Variants in BCR observed in about 807,000 individuals in gnomAD.
The protein encoded by BCR is BCR activator of RhoGEF and GTPase.
BCR carries 58 observed loss-of-function variants against 138.6 expected under a neutral mutation model. The ratio of observed to expected loss-of-function variants is 0.42; its 90% CI spans 0.34 to 0.52. BCR has a LOEUF of 0.52. BCR is among the 20% of genes least tolerant of loss of function. BCR has a pLI of 0.06. For synonymous variants in BCR, 786 were observed against 730.1 expected (o/e 1.08, Z -1.23); for missense variants, 1,599 against 1,727.2 (o/e 0.93, Z 1.32).
At position 23,261,097 on chromosome 22, in the gene BCR, G is replaced by A. The variant is rs1467558006; in HGVS notation, c.1566+43G>A. 3 of 1,577,862 alleles carry A rather than the reference G, an allele frequency of 1.9e-6. No individual in the cohort carries two copies. In the Admixed American group the frequency reaches 5.1e-5, roughly 27 times the overall value. ...AGCTGAGCAGGGCGGGATGGGGCAG[G>A]GTGACAGGGTTGGGGAGCCTCTTTG... On this transcript the variant is annotated intron_variant, in intron 3 of 22. Transcript: ENST00000305877.
At chr22:23,295,405 G>A (rs2073834377) in intron 16 of BCR, among the ~76,000 whole-genome samples, 1 of 152,152 alleles carries the variant, frequency 6.6e-6, no homozygotes, top group Non-Finnish European at 1.5e-5. Context: ...ATTCAACTTG[G>A]TTTTGCAGCT....
At chr22:23,290,723 C>G (rs2073776345) in intron 14 of BCR, 1 of 376,756 alleles carries the variant, frequency 2.7e-6, no homozygotes, top group Non-Finnish European at 5.1e-6. Flanking sequence ...CCCAGGGGTG[C>G]CCGGGAGTGT....
In BCR at chr22:23,180,578, G is replaced by C. The variant is rs1450950699; in HGVS notation, c.-383G>C. ...GAGCTTAGCGTCCGAGGAGGCGGCG[G>C]CGGCGGCGGCGGCACGGCGGCGGCG... On this transcript the variant is annotated 5_prime_UTR_variant, in exon 1 of 23. Coordinates refer to ENST00000305877, the MANE Select transcript of BCR (RefSeq NM_004327.4). 5.2e-5 allele frequency: 2 copies of C among 38,586 alleles called. No homozygotes were observed. The highest frequency in any genetic ancestry group is 6.8e-5 in the Non-Finnish European group (2 of 29,390). The allele number at this position is 38,586 out of a possible 1,614,324, so 2.4% of individuals were successfully genotyped here.
In BCR at chr22:23,292,584, G is replaced by T. The variant is rs1040046631; in HGVS notation, c.2826G>T (p.Val942=). ...AGGTGGATTCCTTTGGGTATTTTGT[G>T]AATAAAGCAAAGACGCGCGTCTACA... ...TLEVDSFGYF[V]NKAKTRVYRD... The change falls in exon 15 of 23, where the codon GTG becomes GTT. Residue 942 remains valine (V), a synonymous_variant. Coordinates refer to ENST00000305877, the MANE Select transcript of BCR (RefSeq NM_004327.4). 4 of 1,613,714 alleles carry T rather than the reference G, an allele frequency of 2.5e-6. No homozygotes were observed. Among genetic ancestry groups the T allele is most frequent in the Non-Finnish European group, 2.5e-6 (3 of 1,179,760 alleles).
chr22:23,187,252 C>CA (rs1555959856), intron 1 of BCR, among the ~76,000 whole-genome samples: 3 of 128,580 alleles, frequency 2.3e-5, no homozygotes, highest in Non-Finnish European at 5.1e-5. Context: ...TTCTGAGGAT[C>CA]TTTTTTTTTT....
In BCR at chr22:23,206,971, CTCCA is replaced by C. The variant is rs1367191677; in HGVS notation, c.1279+24747_1279+24750del. On this transcript the variant is annotated intron_variant, in intron 1 of 22. Transcript: ENST00000305877. Reference sequence around the variant, plus strand: ...CCTCCCTCCCTCCCTCCCTCCCTCCCTCCATCCATCCATCCATCATCTGTCTAAC... The same window carrying C: ...CCTCCCTCCCTCCCTCCCTCCCTCCCTCCATCCATCCATCATCTGTCTAAC... 2.9e-3 allele frequency among the ~76,000 whole-genome samples: 406 copies of C among 141,340 alleles called. 3 individuals carry two copies. The highest frequency in any genetic ancestry group is 0.014 in the Admixed American group (195 of 14,144). The allele number at this position is 141,340 out of a possible 152,430, so 92.7% of individuals were successfully genotyped here. A position where few individuals can be genotyped will look rare whatever the true frequency, so the allele number is the denominator to read the frequency against.
Position 23,182,167 on chromosome 22 carries a change from A to G in BCR, c.1207A>G (p.Thr403Ala), listed in dbSNP as rs772813429. Reference sequence around the variant, plus strand: ...CTGCCCGGTTGTCGTGTCCGAGGCCACCATCGTGGGCGTCCGCAAGACCGG... The same window carrying G: ...CTGCCCGGTTGTCGTGTCCGAGGCCGCCATCGTGGGCGTCCGCAAGACCGG... ...RHCPVVVSEA[T>A]IVGVRKTGQI... The change falls in exon 1 of 23, where the codon ACC (threonine) becomes GCC (alanine). Residue 403 changes from threonine to alanine, a missense_variant. Thr to Ala is a moderately conservative substitution (Grantham distance 58, BLOSUM62 0). Transcript: ENST00000305877. The G allele has an allele frequency of 9.3e-6, 15 of 1,606,168 alleles. No homozygotes were observed. In the South Asian group the frequency reaches 1.4e-4, roughly 15 times the overall value.
chr22:23,273,758 C>T lies in BCR; in HGVS notation c.2099C>T (p.Thr700Met), dbSNP rs756240803. 2.0e-5 allele frequency: 33 copies of T among 1,614,122 alleles called. No individual in the cohort carries two copies. Among genetic ancestry groups the T allele is most frequent in the Middle Eastern group, 1.6e-4 (1 of 6,062 alleles). Reference sequence around the variant, plus strand: ...ATCACACCCCGACGGCAGTCCATGACGGTGAAGAAGGGAGAGGTGAGTGTG... The same window carrying T: ...ATCACACCCCGACGGCAGTCCATGATGGTGAAGAAGGGAGAGGTGAGTGTG... ...EEITPRRQSM[T>M]VKKGEHRQLL... Residue 700 changes from threonine to methionine, a missense_variant, in exon 8 of 23, where the codon ACG (threonine) becomes ATG (methionine). Around this residue, in one of 4 missense-constraint regions of BCR, gnomAD observed 590 missense variants for 762.4 expected, o/e 0.77. Coordinates refer to ENST00000305877, the MANE Select transcript of BCR (RefSeq NM_004327.4).
chr22:23,232,665 C>CT (rs2072972051), intron 1 of BCR, among the ~76,000 whole-genome samples: 1 of 152,220 alleles, frequency 6.6e-6, no homozygotes, highest in African/African-American at 2.4e-5. Context: ...GCTTCTGTGG[C>CT]TTATCAGCGA....
chr22:23,273,490 C>G, intron 7 of BCR, 144 bp from the exon 8 acceptor site: 1 of 1,144,808 alleles, frequency 8.7e-7, no homozygotes, highest in South Asian at 1.4e-5. Context: ...GTCCACAAAG[C>G]TGGGGCCCAA....
In BCR at chr22:23,238,833, G is replaced by A. The variant is rs2073054988; in HGVS notation, c.1280-14966G>A. 2.0e-5 allele frequency among the ~76,000 whole-genome samples: 3 copies of A among 151,912 alleles called. 1 individual carries two copies. The highest frequency in any genetic ancestry group is 2.0e-4 in the Admixed American group (3 of 15,260). ...CCCTCCAGGGCCGGTGGGAACACGA[G>A]TGGTTTTTGTGTGTGTATGTGGCTT... On this transcript the variant is annotated intron_variant, in intron 1 of 22. Coordinates refer to ENST00000305877, the MANE Select transcript of BCR (RefSeq NM_004327.4).
At chr22:23,250,943 A>G (rs1323917088) in intron 1 of BCR, 1 of 152,232 alleles carries the variant, frequency 6.6e-6, no homozygotes, top group Non-Finnish European at 1.5e-5. Flanking sequence ...GGATTACACC[A>G]CAGCTCACTT....
intron 1 of BCR, among the ~76,000 whole-genome samples, chr22:23,236,268 C>T (rs546538514): frequency 1.3e-5 from 2 of 152,228 alleles, no homozygotes; most frequent in Non-Finnish European, 2.9e-5. Flanking sequence ...CTGAGCATCT[C>T]ATGGCTACCT....
At chr22:23,301,506 A>G (rs949287833) in intron 16 of BCR, among the ~76,000 whole-genome samples, 19 of 152,204 alleles carry the variant, frequency 1.2e-4, no homozygotes, top group Admixed American at 2.0e-4. Flanking sequence ...ACCCCGTCCC[A>G]TGAATCTTGG....
chr22:23,229,399 G>A (rs1447923091), intron 1 of BCR, among the ~76,000 whole-genome samples: 1 of 151,984 alleles, frequency 6.6e-6, no homozygotes, highest in Non-Finnish European at 1.5e-5. Context: ...TTAGTTCTCT[G>A]TCAAGTAATT....
At position 23,289,634 on chromosome 22, in the gene BCR, G is replaced by A. The variant is rs779495656; in HGVS notation, c.2707+13G>A. The A allele has an allele frequency of 3.4e-5, 54 of 1,593,630 alleles. No individual in the cohort carries two copies. Among genetic ancestry groups the A allele is most frequent in the Non-Finnish European group, 4.1e-5 (48 of 1,170,214 alleles). Reference sequence around the variant, plus strand: ...ATCAATAAGGAAGGTGGGCCCCCCCGTTTCCGTGTACAGGGCACCTGCAGG... The same window carrying A: ...ATCAATAAGGAAGGTGGGCCCCCCCATTTCCGTGTACAGGGCACCTGCAGG... On this transcript the variant is annotated intron_variant, in intron 13 of 22. Coordinates refer to ENST00000305877, the MANE Select transcript of BCR (RefSeq NM_004327.4).
At chr22:23,227,089 T>C (rs2072903605) in intron 1 of BCR, among the ~76,000 whole-genome samples, 1 of 152,124 alleles carries the variant, frequency 6.6e-6, no homozygotes, top group Non-Finnish European at 1.5e-5. Flanking sequence ...CCAAAAACCA[T>C]GCAAATATGG....
At position 23,251,837 on chromosome 22, in the gene BCR, A is replaced by C. The variant is rs1023176668; in HGVS notation, c.1280-1962A>C. On this transcript the variant is annotated intron_variant, in intron 1 of 22. Transcript: ENST00000305877. The stretch of plus-strand genomic sequence containing the variant: ...AGTCCCCCTTTGGAAGGAGTGGAGA[A>C]GGGATCCTCACATGAGCCATGGATT... Among the ~76,000 whole-genome samples the C allele has an allele frequency of 2.0e-5, 3 of 152,276 alleles. No homozygotes were observed. In the South Asian group the frequency reaches 6.2e-4, roughly 32 times the overall value.
At chr22:23,195,486 A>G (rs956338800) in intron 1 of BCR, among the ~76,000 whole-genome samples, 8 of 150,424 alleles carry the variant, frequency 5.3e-5, no homozygotes, top group Non-Finnish European at 1.2e-4. Context: ...CAGCTACTCA[A>G]GGAGGCTGTG....
Sources: gnomAD v4.1 joint callset for allele counts (sites outside exome capture counted in the v4.1 genomes callset) on GRCh38, gnomAD v4.1.1 for gene constraint, gnomAD v4.1.1 regional missense constraint, MANE v1.5 for transcripts, NCBI Gene and HGNC (gene_info 2026-07-23, HGNC 2026-07-21) for gene names.